Variants in FAT2 observed in about 807,000 individuals in gnomAD.
FAT2 encodes FAT atypical cadherin 2.
FAT2 carries 150 observed loss-of-function variants against 295.3 expected under a neutral mutation model. The observed-to-expected ratio is 0.51, with a 90% CI of 0.44 to 0.58. The LOEUF is 0.58. FAT2 is among the 20% of genes least tolerant of loss of function. The probability of loss-of-function intolerance (pLI) is 0.00; values close to 1 mark genes in which losing one functional copy is unlikely to be tolerated. For missense variants in FAT2, 4,868 were observed against 5,442.7 expected, an observed-to-expected ratio of 0.89 and a Z score of 3.32; for synonymous variants, 2,026 against 2,150.3, an observed-to-expected ratio of 0.94 and a Z score of 1.60.
intron 1 of FAT2, among the ~76,000 whole-genome samples, chr5:151,590,874 G>A (rs1161342544): frequency 6.6e-6 from 1 of 152,190 alleles, no homozygotes; most frequent in Admixed American, 6.5e-5. Context: ...AACTTTCCAC[G>A]TGTGCAAATG....
Position 151,554,489 on chromosome 5 carries a change from T to A in FAT2, c.3818A>T (p.Glu1273Val), listed in dbSNP as rs2127630785. 6.2e-7 allele frequency: 1 copy of A among 1,614,168 alleles called. No individual in the cohort carries two copies. Among genetic ancestry groups the A allele is most frequent in the Non-Finnish European group, 8.5e-7 (1 of 1,180,020 alleles). ...VYRLVASDLD[E>V]GLNGRVTYSI... ...GTAGGTGACTCTGCCATTAAGACCC[T>A]CATCCAGGTCTGAAGCCACCAGCCT... Residue 1273 changes from glutamate (E) to valine (V), a missense_variant, in exon 5 of 24, where the codon GAG (glutamate) becomes GTG (valine). Physicochemically the swap from Glu to Val is moderately radical, Grantham distance 121. Transcript: ENST00000261800.
At chr5:151,565,544 C>G in intron 2 of FAT2, 129 bp downstream of exon 2, 1 of 855,900 alleles carries the variant, frequency 1.2e-6, no homozygotes, top group Non-Finnish European at 1.7e-6. Flanking sequence ...GAAAAAGAAT[C>G]CCTATTTATT....
rs1445053481 is a variant in FAT2 at position 151,545,391 on chromosome 5, A to T, written c.5736T>A (p.Ala1912=). 6.2e-7 allele frequency: 1 copy of T among 1,614,192 alleles called. No individual in the cohort carries two copies. Among genetic ancestry groups the T allele is most frequent in the South Asian group, 1.1e-5 (1 of 91,080 alleles). The change falls in exon 10 of 24, where the codon GCT becomes GCA. Residue 1912 remains alanine, a synonymous_variant. Transcript: ENST00000261800. ...EVNYSIKTGN[A]DEAVTIHPVT... is the part of the protein sequence containing the mutation. Reference sequence around the variant, plus strand: ...CAGGATGGATGGTAACAGCTTCATCAGCATTGCCAGTTTTGATGCTATAAT... The same window carrying T: ...CAGGATGGATGGTAACAGCTTCATCTGCATTGCCAGTTTTGATGCTATAAT...
chr5:151,561,569 T>A (rs2127639927), intron 3 of FAT2, among the ~76,000 whole-genome samples: 1 of 152,270 alleles, frequency 6.6e-6, no homozygotes, highest in South Asian at 2.1e-4. Context: ...TTTTGTATGT[T>A]TTGTACGGAT....
chr5:151,564,163 C>T (rs903339290), intron 2 of FAT2, among the ~76,000 whole-genome samples: 4 of 152,218 alleles, frequency 2.6e-5, no homozygotes, highest in African/African-American at 4.8e-5. Flanking sequence ...AAATTGCTTA[C>T]GATGGGCTAG....
rs2127647234 is a variant in FAT2, at chr5:151,567,041, C to T, written c.1891G>A (p.Gly631Ser). ...LKRPFINLTAGQPTSYSLKIT... is the reference protein window; with the variant it reads ...LKRPFINLTASQPTSYSLKIT... ...TTCAGGGAATAACTGGTGGGTTGAC[C>T]AGCAGTAAGATTGATAAAAGGGCGT... Residue 631 changes from glycine to serine, a missense_variant, in exon 2 of 24, where the codon GGT becomes AGT. Around this residue, in one of 5 missense-constraint regions of FAT2, gnomAD observed 3,297 missense variants for 3,669.4 expected, o/e 0.90. Transcript: ENST00000261800. 1 of 1,613,940 alleles carries T rather than the reference C, an allele frequency of 6.2e-7. No individual in the cohort carries two copies. The highest frequency in any genetic ancestry group is 1.1e-5 in the South Asian group (1 of 91,056).
chr5:151,571,241 A>C lies in FAT2; in HGVS notation c.-20-2290T>G, dbSNP rs1299787720. 3.3e-5 allele frequency among the ~76,000 whole-genome samples: 5 copies of C among 152,166 alleles called. No homozygotes were observed. The East Asian group carries it at 9.7e-4, about 30-fold the overall frequency. On this transcript the variant is annotated intron_variant, in intron 1 of 23. Transcript: ENST00000261800. ...TACCCCTGACCCAGCCCCCACAAGC[A>C]GAAGGGGACGCCTGAGTCATTCAGC...
chr5:151,569,010 G>A (rs2127651161), intron 1 of FAT2, 59 bp from the exon 2 acceptor site: 1 of 1,460,180 alleles, frequency 6.8e-7, no homozygotes, highest in Non-Finnish European at 9.2e-7. Context: ...TTCTACTGCT[G>A]TGATTCTTAA....
intron 12 of FAT2, among the ~76,000 whole-genome samples, chr5:151,536,394 C>T (rs1211521521): frequency 6.6e-6 from 1 of 152,128 alleles, no homozygotes; most frequent in Non-Finnish European, 1.5e-5. Flanking sequence ...CCCTTCTCCC[C>T]TGCCACCCCC....
chr5:151,543,116 A>C lies in FAT2; in HGVS notation c.8011T>G (p.Trp2671Gly). Residue 2671 changes from tryptophan to glycine, a missense_variant, in exon 10 of 24, where the codon TGG becomes GGG. By Grantham distance (184) the Trp-to-Gly change is radical. Transcript: ENST00000261800. ...AGTCGTACTGGCACCAGAGAGTTCCAGTGAGGAGGGCCTCCATCTTGGGCT... is the reference window on the plus strand; with the variant it reads ...AGTCGTACTGGCACCAGAGAGTTCCCGTGAGGAGGGCCTCCATCTTGGGCT... ...IKAQDGGPPH[W>G]NSLVPVRLQV... is the part of the protein sequence containing the mutation. 6.2e-7 allele frequency: 1 copy of C among 1,614,192 alleles called. No homozygotes were observed. Among genetic ancestry groups the C allele is most frequent in the South Asian group, 1.1e-5 (1 of 91,088 alleles).
chr5:151,558,161 C>T (rs888276017), intron 3 of FAT2, among the ~76,000 whole-genome samples: 11 of 152,190 alleles, frequency 7.2e-5, no homozygotes, highest in Non-Finnish European at 1.3e-4. Flanking sequence ...TGAGTTCACA[C>T]GGTGTTCACC....
chr5:151,526,233 T>C (rs1013661282), intron 17 of FAT2, among the ~76,000 whole-genome samples: 16 of 152,138 alleles, frequency 1.1e-4, no homozygotes, highest in African/African-American at 3.9e-4. Flanking sequence ...AGAACAAAGG[T>C]TAAACCCTTT....
At chr5:151,588,907 T>C (rs1458728057) in intron 1 of FAT2, among the ~76,000 whole-genome samples, 1 of 152,174 alleles carries the variant, frequency 6.6e-6, no homozygotes, top group African/African-American at 2.4e-5. Context: ...GAAAGAACTA[T>C]GATGATCCCC....
At chr5:151,540,182 A>C (rs1186482545) in intron 11 of FAT2, among the ~76,000 whole-genome samples, 1 of 152,088 alleles carries the variant, frequency 6.6e-6, no homozygotes, top group African/African-American at 2.4e-5. Flanking sequence ...AGGGGGAGAG[A>C]TGTGGGCCAT....
chr5:151,560,314 C>T (rs1459187871), intron 3 of FAT2, among the ~76,000 whole-genome samples: 2 of 152,226 alleles, frequency 1.3e-5, no homozygotes. Context: ...TTATAATCTC[C>T]ATTTCACTGG....
chr5:151,529,334 G>A lies in FAT2; in HGVS notation c.9870C>T (p.Ser3290=). The change falls in exon 15 of 24, where the codon TCC becomes TCT. Residue 3290 remains serine (S), a synonymous_variant. Coordinates refer to ENST00000261800, the MANE Select transcript of FAT2 (RefSeq NM_001447.3). ...AGGAGCTCTTCCGGCTGCACTCAAT[G>A]GACAGGAAGTACTTGGGGCTTGTCT... The part of the protein sequence containing the change: ...DFETSPKYFL[S]IECSRKSSSS... The A allele has an allele frequency of 1.2e-6, 2 of 1,614,150 alleles. No individual in the cohort carries two copies. The highest frequency in any genetic ancestry group is 2.2e-5 in the South Asian group (2 of 91,076).
chr5:151,519,655 G>C lies in FAT2; in HGVS notation c.11317+1621C>G, dbSNP rs1581305317. 2.6e-5 allele frequency among the ~76,000 whole-genome samples: 4 copies of C among 152,260 alleles called. No individual in the cohort carries two copies. The South Asian group carries it at 8.3e-4, about 32-fold the overall frequency. On this transcript the variant is annotated intron_variant, in intron 19 of 23. Transcript: ENST00000261800. ...TGGTCATATTCTTTCCTTGATCTGG[G>C]CGTTGGCTACACAGATATATTTGCT...
In FAT2 at chr5:151,545,267, C is replaced by G. The variant is rs2127611730; in HGVS notation, c.5860G>C (p.Val1954Leu). 1 of 1,614,088 alleles carries G rather than the reference C, an allele frequency of 6.2e-7. No individual in the cohort carries two copies. Among genetic ancestry groups the G allele is most frequent in the Non-Finnish European group, 8.5e-7 (1 of 1,180,006 alleles). Reference sequence around the variant, plus strand: ...AGCACTTGGGTCAAAGAAATTTTTACCAGCGCAGTGTCTTGATACAAGCCA... The same window carrying G: ...AGCACTTGGGTCAAAGAAATTTTTAGCAGCGCAGTGTCTTGATACAAGCCA... ...SDGLYQDTAL[V>L]KISLTQVLDK... Residue 1954 changes from valine to leucine, a missense_variant, in exon 10 of 24, where the codon GTA becomes CTA. Around this residue, in one of 5 missense-constraint regions of FAT2, gnomAD observed 3,297 missense variants for 3,669.4 expected, o/e 0.90. Transcript: ENST00000261800.
intron 1 of FAT2, among the ~76,000 whole-genome samples, chr5:151,584,136 A>G (rs1326341554): frequency 2.6e-5 from 4 of 151,998 alleles, no homozygotes; most frequent in South Asian, 2.1e-4. Context: ...TTTCACAGCT[A>G]TGGGATCTTG....
Sources: gnomAD v4.1 joint callset for allele counts (sites outside exome capture counted in the v4.1 genomes callset) on GRCh38, gnomAD v4.1.1 for gene constraint, gnomAD v4.1.1 regional missense constraint, MANE v1.5 for transcripts, NCBI Gene and HGNC (gene_info 2026-07-23, HGNC 2026-07-21) for gene names.